Variants in RABGAP1 observed in about 807,000 individuals in gnomAD.
RABGAP1 encodes the protein rab GTPase-activating protein 1.
Under a neutral mutation model 137.6 loss-of-function variants are expected in RABGAP1, and 23 were observed. The ratio of observed to expected loss-of-function variants is 0.17; its 90% CI spans 0.12 to 0.24. RABGAP1 has a LOEUF of 0.24. Among genes scored for constraint, RABGAP1 ranks in the 10% least tolerant of loss-of-function variants. The pLI, the probability that RABGAP1 is intolerant of heterozygous loss-of-function variation, is 1.00. For synonymous variants in RABGAP1, 451 were observed against 450.7 expected (o/e 1.00, Z -0.01); for missense variants, 906 against 1,275.8 (o/e 0.71, Z 4.42).
At chr9:123,061,910 T>G (rs2132108018) in intron 13 of RABGAP1, 1 of 152,368 alleles carries the variant, frequency 6.6e-6, no homozygotes, top group Middle Eastern at 3.4e-3. Flanking sequence ...TGGCCACGAA[T>G]AGTGTTACAT....
rs192255732 is a variant in RABGAP1 at position 123,061,372 on chromosome 9, C to T, written c.1795-3976C>T. On this transcript the variant is annotated intron_variant, in intron 13 of 25. Coordinates refer to ENST00000373647, the MANE Select transcript of RABGAP1 (RefSeq NM_012197.4). ...TCAAGTGGTTTACTCGCCTCGGCCT[C>T]CCAAAGTGCTAGGATTACAGGCATG... Among the ~76,000 whole-genome samples, 665 of 152,326 alleles carry T rather than the reference C, an allele frequency of 4.4e-3. 24 individuals are homozygous for T. Among genetic ancestry groups the T allele is most frequent in the Admixed American group, 0.038 (578 of 15,304 alleles).
chr9:123,100,711 G>A (rs369749381), intron 24 of RABGAP1, among the ~76,000 whole-genome samples: 25 of 152,124 alleles, frequency 1.6e-4, no homozygotes, highest in East Asian at 1.5e-3. Context: ...GAGCCACTGC[G>A]CCTGGCCAAC....
chr9:122,992,378 G>A (rs1039188825), intron 6 of RABGAP1, among the ~76,000 whole-genome samples: 80 of 151,984 alleles, frequency 5.3e-4, no homozygotes, highest in African/African-American at 1.8e-3. Flanking sequence ...GTTTTGGTCT[G>A]TAAATTCTAA....
chr9:122,943,427 AG>A, intron 1 of RABGAP1, among the ~76,000 whole-genome samples: 1 of 152,302 alleles, frequency 6.6e-6, no homozygotes, highest in Non-Finnish European at 1.5e-5. Context: ...TGACATTAAT[AG>A]GTATATATTT....
chr9:123,015,289 C>CTT (rs34492374), intron 11 of RABGAP1, among the ~76,000 whole-genome samples: 12,092 of 121,560 alleles, frequency 0.099, 910 homozygotes, highest in South Asian at 0.16. Context: ...TAAATAGCTC[C>CTT]TTTTTTTTTT....
intron 15 of RABGAP1, among the ~76,000 whole-genome samples, chr9:123,072,111 G>A (rs1207769029): frequency 6.6e-6 from 1 of 152,158 alleles, no homozygotes; most frequent in Non-Finnish European, 1.5e-5. Flanking sequence ...TTGGATTTTG[G>A]AATATTTGCA....
At position 123,089,843 on chromosome 9, in the gene RABGAP1, G is replaced by A. The variant is rs745928635; in HGVS notation, c.2510G>A (p.Arg837Gln). The A allele has an allele frequency of 4.3e-6, 7 of 1,613,294 alleles. No individual in the cohort carries two copies. Among genetic ancestry groups the A allele is most frequent in the South Asian group, 1.1e-5 (1 of 90,998 alleles). ...QQAQQEDPIERFERENRRLQE... is the reference protein window; with the variant it reads ...QQAQQEDPIEQFERENRRLQE... Reference sequence around the variant, plus strand: ...GCCCAGCAAGAAGACCCCATCGAGCGATTTGAGGTTTGTTTGCTTATGGCC... The same window carrying A: ...GCCCAGCAAGAAGACCCCATCGAGCAATTTGAGGTTTGTTTGCTTATGGCC... The change falls in exon 20 of 26, where the codon CGA becomes CAA. Residue 837 changes from arginine to glutamine, a missense_variant. Arg to Gln is a conservative substitution (Grantham distance 43). This residue lies in a region of RABGAP1 where 77 missense variants were observed against 105.6 expected (regional missense o/e 0.73). Coordinates refer to ENST00000373647, the MANE Select transcript of RABGAP1 (RefSeq NM_012197.4).
intron 13 of RABGAP1, among the ~76,000 whole-genome samples, chr9:123,057,472 G>T (rs2033774858): frequency 6.6e-6 from 1 of 151,676 alleles, no homozygotes; most frequent in Non-Finnish European, 1.5e-5. Context: ...GGGCAGAGAT[G>T]CTCCTCACTT....
chr9:123,059,018 T>C (rs1205812297), intron 13 of RABGAP1, among the ~76,000 whole-genome samples: 1 of 152,236 alleles, frequency 6.6e-6, no homozygotes. Context: ...CAAGTGGTAT[T>C]CTGAAATCAG....
chr9:123,053,785 C>G (rs2033586417), intron 13 of RABGAP1, among the ~76,000 whole-genome samples: 1 of 152,136 alleles, frequency 6.6e-6, no homozygotes, highest in South Asian at 2.1e-4. Flanking sequence ...ATAATTTTCC[C>G]TATGTTGGTT....
chr9:122,978,274 T>G (rs952669097), intron 2 of RABGAP1, among the ~76,000 whole-genome samples: 1 of 152,228 alleles, frequency 6.6e-6, no homozygotes, highest in Non-Finnish European at 1.5e-5. Flanking sequence ...ATACAGTATG[T>G]AGTCTTTTTG....
At chr9:122,950,435 A>G (rs1484852399) in intron 1 of RABGAP1, among the ~76,000 whole-genome samples, 1 of 122,232 alleles carries the variant, frequency 8.2e-6, no homozygotes, top group African/African-American at 3.2e-5. Context: ...TAACCAGGAT[A>G]GAGAATCTAG....
chr9:123,035,884 C>G (rs1200093961), intron 13 of RABGAP1, among the ~76,000 whole-genome samples: 1 of 152,102 alleles, frequency 6.6e-6, no homozygotes, highest in Non-Finnish European at 1.5e-5. Context: ...TTGGAAATGA[C>G]TACAGTTCTC....
chr9:122,999,276 C>T (rs1255652301), intron 10 of RABGAP1, among the ~76,000 whole-genome samples: 3 of 151,642 alleles, frequency 2.0e-5, no homozygotes, highest in African/African-American at 7.3e-5. Context: ...CTCCGCCTCC[C>T]GGGTTCAAGT....
At chr9:122,983,829 C>T (rs1450732540) in intron 2 of RABGAP1, among the ~76,000 whole-genome samples, 2 of 152,140 alleles carry the variant, frequency 1.3e-5, no homozygotes, top group Non-Finnish European at 2.9e-5. Context: ...TACTTGCTTC[C>T]TTGTTGAGGA....
intron 24 of RABGAP1, 73 bp from the exon 25 acceptor site, chr9:123,101,493 A>G (rs2035343481): frequency 2.9e-6 from 4 of 1,403,068 alleles, no homozygotes; most frequent in Non-Finnish European, 2.9e-6. Context: ...GTGTCCCCCA[A>G]AGGAGATGCT....
Position 123,103,522 on chromosome 9 carries a change from C to G in RABGAP1, c.*309C>G. 5.8e-6 allele frequency: 1 copy of G among 171,522 alleles called. No homozygotes were observed. Among genetic ancestry groups the G allele is most frequent in the African/African-American group, 2.4e-5 (1 of 40,986 alleles). 10.6% of individuals were successfully genotyped at this position (171,522 alleles called of 1,614,324 possible). ...TCACCCAGCCTAAAGGCTGAGTTTA[C>G]ATGATCAGAGTTAGGGGATCCTTCA... On this transcript the variant is annotated 3_prime_UTR_variant, in exon 26 of 26. Coordinates refer to ENST00000373647, the MANE Select transcript of RABGAP1 (RefSeq NM_012197.4).
intron 13 of RABGAP1, among the ~76,000 whole-genome samples, chr9:123,022,119 ACTT>A (rs1375665939): frequency 6.6e-6 from 1 of 152,188 alleles, no homozygotes; most frequent in African/African-American, 2.4e-5. Context: ...TTGTAACACT[ACTT>A]ATTTTTTTTG....
intron 13 of RABGAP1, 74 bp downstream of exon 13, chr9:123,020,533 T>C (rs774459928): frequency 1.8e-5 from 23 of 1,313,528 alleles, no homozygotes; most frequent in Non-Finnish European, 2.2e-5. Context: ...TATAGTTATT[T>C]GACTTATAAG....
Sources: gnomAD v4.1 joint callset for allele counts (sites outside exome capture counted in the v4.1 genomes callset) on GRCh38, gnomAD v4.1.1 for gene constraint, gnomAD v4.1.1 regional missense constraint, MANE v1.5 for transcripts, NCBI Gene and HGNC (gene_info 2026-07-23, HGNC 2026-07-21) for gene names.